Variants in VAX1 observed in about 807,000 individuals in gnomAD.
The protein encoded by VAX1 is ventral anterior homeobox 1.
In VAX1, 6 loss-of-function variants were observed where a neutral mutation model predicts 17.6. The ratio of observed to expected loss-of-function variants is 0.34; its 90% CI spans 0.19 to 0.67. The LOEUF (loss-of-function observed/expected upper bound fraction) is 0.67. VAX1 is among the 30% of genes least tolerant of loss of function. The pLI is 0.69. For missense variants in VAX1, 408 were observed against 463.7 expected (o/e 0.88, Z 1.10); for synonymous variants, 256 against 227.4 (o/e 1.13, Z -1.13).
chr10:117,132,234 C>G (rs746954604), downstream of VAX1: 3 of 1,614,060 alleles, frequency 1.9e-6, no homozygotes, highest in Non-Finnish European at 1.7e-6. This position sits in a 1 kb window ranked among gnomAD's most constrained non-coding sequence, Gnocchi z 4.9. Context: ...CCCTCTGCCC[C>G]CGGAGTCCCC....
rs775393176 is a variant in VAX1, at chr10:117,134,595, G to A, written c.430-12C>T. The A allele has an allele frequency of 3.8e-5, 57 of 1,515,074 alleles. No individual in the cohort carries two copies. In the African/African-American group the frequency reaches 6.0e-4, roughly 16 times the overall value. The allele number at this position is 1,515,074 out of a possible 1,614,324, so 93.9% of individuals were successfully genotyped here. ...AACCAGACCTTCACCTGCGCGCCGG[G>A]GTGCGGGGAGAGTTGGAGAGAGGGG... On this transcript the variant is annotated splice_polypyrimidine_tract_variant and intron_variant, in intron 2 of 2. Coordinates refer to ENST00000369206, the MANE Select transcript of VAX1 (RefSeq NM_001112704.2). The surrounding 1 kb of genome is among the most constrained non-coding windows in gnomAD (Gnocchi z 6.2).
chr10:117,136,562 A>G lies in VAX1; in HGVS notation c.339T>C (p.Tyr113=). 1 of 1,613,832 alleles carries G rather than the reference A, an allele frequency of 6.2e-7. No homozygotes were observed. The highest frequency in any genetic ancestry group is 8.5e-7 in the Non-Finnish European group (1 of 1,180,024). ...AGCGCTGGAACTCCATCTCCAGCCG[A>G]TAGAGCTGCTCCGCGGTGAAGGACG... ...TRTSFTAEQL[Y]RLEMEFQRCQ... Residue 113 remains tyrosine (Y), a synonymous_variant, in exon 2 of 3, where the codon TAT becomes TAC. Coordinates refer to ENST00000369206, the MANE Select transcript of VAX1 (RefSeq NM_001112704.2). The surrounding 1 kb of genome is among the most constrained non-coding windows in gnomAD (Gnocchi z 5.0).
downstream of VAX1, chr10:117,132,621 G>T: frequency 1.0e-6 from 1 of 991,062 alleles, no homozygotes; most frequent in Non-Finnish European, 1.5e-6. This position sits in a 1 kb window ranked among gnomAD's most constrained non-coding sequence, Gnocchi z 4.9. Flanking sequence ...CGCAGTCTGG[G>T]TCTGTGATTT....
At position 117,136,421 on chromosome 10, in the gene VAX1, G is replaced by C. The variant is rs936977837; in HGVS notation, c.429+51C>G. On this transcript the variant is annotated intron_variant, in intron 2 of 2. Transcript: ENST00000369206. The surrounding 1 kb of genome is among the most constrained non-coding windows in gnomAD (Gnocchi z 5.0). ...GGTGAAGAGCAGGCTAGGTAGGGGT[G>C]GTGGGGAGGAAGGCTGGTGCAGAAC... The C allele has an allele frequency of 6.2e-6, 10 of 1,604,208 alleles. No individual in the cohort carries two copies. The Admixed American group carries it at 8.4e-5, about 13-fold the overall frequency.
rs967216485 is a variant in VAX1, at chr10:117,134,623, G to T, written c.430-40C>A. 3 of 1,467,762 alleles carry T rather than the reference G, an allele frequency of 2.0e-6. No homozygotes were observed. Among genetic ancestry groups the T allele is most frequent in the South Asian group, 2.6e-5 (2 of 76,976 alleles). The allele number at this position is 1,467,762 out of a possible 1,614,324, so 90.9% of individuals were successfully genotyped here. A position where few individuals can be genotyped will look rare whatever the true frequency, so the allele number is the denominator to read the frequency against. Reference sequence around the variant, plus strand: ...GCGGGGAGAGTTGGAGAGAGGGGCAGGGAAGACCAGCGTCAAAGGAAGCGA... The same window carrying T: ...GCGGGGAGAGTTGGAGAGAGGGGCATGGAAGACCAGCGTCAAAGGAAGCGA... On this transcript the variant is annotated intron_variant, in intron 2 of 2. Transcript: ENST00000369206. This position sits in a 1 kb window ranked among gnomAD's most constrained non-coding sequence, Gnocchi z 6.2.
At position 117,133,911 on chromosome 10, in the gene VAX1, G is replaced by T; in HGVS notation, c.*97C>A. The T allele has an allele frequency of 7.0e-7, 1 of 1,420,376 alleles. No homozygotes were observed. The highest frequency in any genetic ancestry group is 9.1e-7 in the Non-Finnish European group (1 of 1,093,804). The allele number at this position is 1,420,376 out of a possible 1,614,324, so 88.0% of individuals were successfully genotyped here. ...CTGTCAGAGGCCTGGTGGGAGCCAGGAGCCCAGCGCAGGAGCTCTGGGCAC... is the reference window on the plus strand; with the variant it reads ...CTGTCAGAGGCCTGGTGGGAGCCAGTAGCCCAGCGCAGGAGCTCTGGGCAC... On this transcript the variant is annotated 3_prime_UTR_variant, in exon 3 of 3. Coordinates refer to ENST00000369206, the MANE Select transcript of VAX1 (RefSeq NM_001112704.2).
At position 117,133,649 on chromosome 10, in the gene VAX1, G is replaced by C. The variant is rs985323876; in HGVS notation, c.*359C>G. The C allele has an allele frequency of 2.0e-6, 2 of 1,003,780 alleles. No individual in the cohort carries two copies. Among genetic ancestry groups the C allele is most frequent in the African/African-American group, 1.7e-5 (1 of 57,990 alleles). The allele number at this position is 1,003,780 out of a possible 1,614,324, so 62.2% of individuals were successfully genotyped here. A position where few individuals can be genotyped will look rare whatever the true frequency, so the allele number is the denominator to read the frequency against. ...CAGCGGCAGCAGCCGCAGCAGCCGC[G>C]GATCTAGAGCAAACGTCCTGTGCTT... On this transcript the variant is annotated 3_prime_UTR_variant, in exon 3 of 3. Transcript: ENST00000369206.
At position 117,134,088 on chromosome 10, in the gene VAX1, G is replaced by C; in HGVS notation, c.925C>G (p.Arg309Gly). 1.3e-6 allele frequency: 2 copies of C among 1,536,828 alleles called. No individual in the cohort carries two copies. Among genetic ancestry groups the C allele is most frequent in the Non-Finnish European group, 1.8e-6 (2 of 1,140,758 alleles). The change falls in exon 3 of 3, where the codon CGA becomes GGA. Residue 309 changes from arginine (R) to glycine (G), a missense_variant. Around this residue, in one of 4 missense-constraint regions of VAX1, gnomAD observed 196 missense variants for 218.7 expected, o/e 0.90. Transcript: ENST00000369206. This position sits in a 1 kb window ranked among gnomAD's most constrained non-coding sequence, Gnocchi z 6.2. ...LAGNLQELSA[R>G]YLSSSAFEPY... Reference sequence around the variant, plus strand: ...TCGAAGGCCGAGGAGCTCAGATATCGGGCGGAGAGTTCTTGCAAATTCCCA... The same window carrying C: ...TCGAAGGCCGAGGAGCTCAGATATCCGGCGGAGAGTTCTTGCAAATTCCCA...
chr10:117,136,750 G>A lies in VAX1; in HGVS notation c.242-91C>T. ...GGATTTGGGGACACAGTCCCCAGAA[G>A]CGTGCAGTTTTGGGGATGGGGGGCG... On this transcript the variant is annotated intron_variant, in intron 1 of 2. Transcript: ENST00000369206. The surrounding 1 kb of genome is among the most constrained non-coding windows in gnomAD (Gnocchi z 5.0). 6.8e-7 allele frequency: 1 copy of A among 1,473,434 alleles called. No homozygotes were observed. Among genetic ancestry groups the A allele is most frequent in the South Asian group, 1.4e-5 (1 of 72,882 alleles). 91.3% of individuals were successfully genotyped at this position (1,473,434 alleles called of 1,614,324 possible).
At position 117,134,503 on chromosome 10, in the gene VAX1, C is replaced by T. The variant is rs778162175; in HGVS notation, c.510G>A (p.Ser170=). 3.5e-5 allele frequency: 53 copies of T among 1,530,058 alleles called. No homozygotes were observed. Among genetic ancestry groups the T allele is most frequent in the Non-Finnish European group, 4.6e-5 (52 of 1,142,552 alleles). The allele number at this position is 1,530,058 out of a possible 1,614,324, so 94.8% of individuals were successfully genotyped here. A position where few individuals can be genotyped will look rare whatever the true frequency, so the allele number is the denominator to read the frequency against. Residue 170 remains serine, a synonymous_variant, in exon 3 of 3, where the codon TCG becomes TCA. Transcript: ENST00000369206. This position sits in a 1 kb window ranked among gnomAD's most constrained non-coding sequence, Gnocchi z 6.2. ...GCACGCTGCACGTGGCCGCGGTCTC[C>T]GACACCACCGAGCGTAGCTCCGAGT... ...GKDSELRSVV[S]ETAATCSVLR... is the part of the protein sequence containing the mutation.
In VAX1 at chr10:117,138,136, A is replaced by T; in HGVS notation, c.-80T>A. 8.2e-7 allele frequency: 1 copy of T among 1,218,892 alleles called. No individual in the cohort carries two copies. Among genetic ancestry groups the T allele is most frequent in the Non-Finnish European group, 1.1e-6 (1 of 912,814 alleles). The allele number at this position is 1,218,892 out of a possible 1,614,324, so 75.5% of individuals were successfully genotyped here. On this transcript the variant is annotated 5_prime_UTR_variant, in exon 1 of 3. Coordinates refer to ENST00000369206, the MANE Select transcript of VAX1 (RefSeq NM_001112704.2). The stretch of plus-strand genomic sequence containing the variant: ...GGGGGGGGGGCGGAGAAGGAAAAAA[A>T]AAAGAGGAAAAAGGGGACAAAACCC...
rs1854196058 is a variant in VAX1, at chr10:117,137,237, C to G, written c.242-578G>C. Among the ~76,000 whole-genome samples the G allele has an allele frequency of 6.6e-6, 1 of 152,142 alleles. No homozygotes were observed. Reference sequence around the variant, plus strand: ...CGGGGCTAAGTGCACGCCGCGCCATCCGAGAGCGGCAGAGCAGAGCACCAA... The same window carrying G: ...CGGGGCTAAGTGCACGCCGCGCCATGCGAGAGCGGCAGAGCAGAGCACCAA... On this transcript the variant is annotated intron_variant, in intron 1 of 2. Transcript: ENST00000369206. The surrounding 1 kb of genome is among the most constrained non-coding windows in gnomAD (Gnocchi z 7.4).
In VAX1 at chr10:117,136,537, A is replaced by G. The variant is rs1296235144; in HGVS notation, c.364T>C (p.Cys122Arg). 6.2e-7 allele frequency: 1 copy of G among 1,613,450 alleles called. No homozygotes were observed. Among genetic ancestry groups the G allele is most frequent in the Admixed American group, 1.7e-5 (1 of 60,034 alleles). The change falls in exon 2 of 3, where the codon TGC becomes CGC. Residue 122 changes from cysteine to arginine, a missense_variant. Cys to Arg is a radical substitution (Grantham distance 180). Coordinates refer to ENST00000369206, the MANE Select transcript of VAX1 (RefSeq NM_001112704.2). The surrounding 1 kb of genome is among the most constrained non-coding windows in gnomAD (Gnocchi z 5.0). ...CTCTCGCGGCCCACCACGTACTGGC[A>G]GCGCTGGAACTCCATCTCCAGCCGA... ...LYRLEMEFQR[C>R]QYVVGRERTE... is the part of the protein sequence containing the mutation.
downstream of VAX1, chr10:117,132,212 T>C (rs747998921): frequency 6.2e-6 from 10 of 1,613,496 alleles, no homozygotes; most frequent in Non-Finnish European, 8.5e-6. This position sits in a 1 kb window ranked among gnomAD's most constrained non-coding sequence, Gnocchi z 4.9. Flanking sequence ...CCCCGCACTA[T>C]AGGGGCTGCC....
In VAX1 at chr10:117,138,247, G is replaced by C; in HGVS notation, c.-191C>G. 3 of 702,072 alleles carry C rather than the reference G, an allele frequency of 4.3e-6. No homozygotes were observed. Among genetic ancestry groups the C allele is most frequent in the South Asian group, 3.8e-5 (2 of 52,122 alleles). The allele number at this position is 702,072 out of a possible 1,614,324, so 43.5% of individuals were successfully genotyped here. A position where few individuals can be genotyped will look rare whatever the true frequency, so the allele number is the denominator to read the frequency against. On this transcript the variant is annotated 5_prime_UTR_variant, in exon 1 of 3. Coordinates refer to ENST00000369206, the MANE Select transcript of VAX1 (RefSeq NM_001112704.2). ...CGCGGGGAGGCTTCGGCGGCCGCGC[G>C]CGGGTCAGCGGCGACGGGAGAGTGG... is the stretch of plus-strand genomic sequence containing the variant.
At position 117,134,599 on chromosome 10, in the gene VAX1, CG is replaced by C. The variant is rs1838715730; in HGVS notation, c.430-17del. ...AGACCTTCACCTGCGCGCCGGGGTGCGGGGAGAGTTGGAGAGAGGGGCAGGG... is the reference window on the plus strand; with the variant it reads ...AGACCTTCACCTGCGCGCCGGGGTGCGGGAGAGTTGGAGAGAGGGGCAGGG... On this transcript the variant is annotated splice_polypyrimidine_tract_variant and intron_variant, in intron 2 of 2. Transcript: ENST00000369206. The surrounding 1 kb of genome is among the most constrained non-coding windows in gnomAD (Gnocchi z 6.2). The C allele has an allele frequency of 1.3e-6, 2 of 1,511,218 alleles. No individual in the cohort carries two copies. Among genetic ancestry groups the C allele is most frequent in the African/African-American group, 1.4e-5 (1 of 69,524 alleles). The allele number at this position is 1,511,218 out of a possible 1,614,324, so 93.6% of individuals were successfully genotyped here. A position where few individuals can be genotyped will look rare whatever the true frequency, so the allele number is the denominator to read the frequency against.
At position 117,137,738 on chromosome 10, in the gene VAX1, C is replaced by T. The variant is rs1854208120; in HGVS notation, c.241+78G>A. On this transcript the variant is annotated intron_variant, in intron 1 of 2. Coordinates refer to ENST00000369206, the MANE Select transcript of VAX1 (RefSeq NM_001112704.2). This position sits in a 1 kb window ranked among gnomAD's most constrained non-coding sequence, Gnocchi z 7.4. Reference sequence around the variant, plus strand: ...CCAGCCGGCACTCCTTCCCACCGGCCTGTGTCGGCGGCAGCGCGCAGCTCC... The same window carrying T: ...CCAGCCGGCACTCCTTCCCACCGGCTTGTGTCGGCGGCAGCGCGCAGCTCC... 5.6e-6 allele frequency: 9 copies of T among 1,601,856 alleles called. No individual in the cohort carries two copies. The highest frequency in any genetic ancestry group is 7.6e-6 in the Non-Finnish European group (9 of 1,179,324).
rs1416297862 is a variant in VAX1, at chr10:117,137,626, G to A, written c.241+190C>T. ...GGCCCCTCCGGGCGTGGAGGGCCGA[G>A]GCCCCTGGAGAGCGCACCGGAGAGT... is the stretch of plus-strand genomic sequence containing the variant. On this transcript the variant is annotated intron_variant, in intron 1 of 2. Coordinates refer to ENST00000369206, the MANE Select transcript of VAX1 (RefSeq NM_001112704.2). This position sits in a 1 kb window ranked among gnomAD's most constrained non-coding sequence, Gnocchi z 7.4. Among the ~76,000 whole-genome samples the A allele has an allele frequency of 6.6e-6, 1 of 152,202 alleles. No homozygotes were observed. The highest frequency in any genetic ancestry group is 1.5e-5 in the Non-Finnish European group (1 of 68,034).
At chr10:117,132,527 T>G, downstream of VAX1, 1 of 1,568,458 alleles carries the variant, frequency 6.4e-7, no homozygotes, top group Admixed American at 1.9e-5. The surrounding 1 kb of genome is among the most constrained non-coding windows in gnomAD (Gnocchi z 4.9). Context: ...CCGACGTAAA[T>G]AATTTACAAT....
Sources: allele counts gnomAD v4.1 joint callset (sites outside exome capture counted in the v4.1 genomes callset), GRCh38; gene constraint gnomAD v4.1.1; regional missense constraint gnomAD v4.1.1; non-coding constraint Gnocchi (gnomAD v3.1); transcripts MANE v1.5; gene names NCBI Gene and HGNC (gene_info 2026-07-23, HGNC 2026-07-21).